Variants in ARHGEF3 observed in about 807,000 individuals in gnomAD.
The protein encoded by ARHGEF3 is Rho guanine nucleotide exchange factor 3, also known as 59.8 kDA protein.
In ARHGEF3, 28 loss-of-function variants were observed where a neutral mutation model predicts 63.2. The ratio of observed to expected loss-of-function variants is 0.44; its 90% CI spans 0.33 to 0.61. The LOEUF (loss-of-function observed/expected upper bound fraction) is 0.61. Ranked by LOEUF, ARHGEF3 falls within the 20% of genes least tolerant of loss-of-function variation. The pLI is 0.03. For synonymous variants in ARHGEF3, 266 were observed against 254.2 expected (o/e 1.05, Z -0.44); for missense variants, 533 against 659.3 (o/e 0.81, Z 2.10).
intron 4 of ARHGEF3, among the ~76,000 whole-genome samples, chr3:56,832,179 T>C (rs572956466): frequency 5.3e-5 from 8 of 152,364 alleles, no homozygotes; most frequent in Non-Finnish European, 8.8e-5. Context: ...CCATTTCAGA[T>C]GTACCCAGGC....
At chr3:57,029,842 C>T (rs772634515) in intron 2 of ARHGEF3, among the ~76,000 whole-genome samples, 120 of 152,214 alleles carry the variant, frequency 7.9e-4, no homozygotes, top group Admixed American at 2.6e-3. Context: ...CGGGCTCTTG[C>T]TCTCCCTTAT....
chr3:57,009,861 C>T (rs1702612271), intron 2 of ARHGEF3, among the ~76,000 whole-genome samples: 1 of 152,130 alleles, frequency 6.6e-6, no homozygotes, highest in South Asian at 2.1e-4. Flanking sequence ...TGAGCAGCAA[C>T]ACAGCATGAC....
At chr3:56,793,006 T>A (rs2037164987) in intron 1 of ARHGEF3, among the ~76,000 whole-genome samples, 1 of 151,896 alleles carries the variant, frequency 6.6e-6, no homozygotes, top group Non-Finnish European at 1.5e-5. Context: ...TTTTTTTTTT[T>A]TATTTTTATT....
At chr3:57,020,476 A>G (rs1266549527) in intron 2 of ARHGEF3, among the ~76,000 whole-genome samples, 2 of 152,278 alleles carry the variant, frequency 1.3e-5, no homozygotes, top group African/African-American at 4.8e-5. Flanking sequence ...ATGGGTTCAG[A>G]TGAGGCTGAC....
intron 3 of ARHGEF3, among the ~76,000 whole-genome samples, chr3:56,928,021 A>G (rs912176831): frequency 2.6e-5 from 4 of 152,202 alleles, no homozygotes; most frequent in African/African-American, 9.6e-5. Context: ...AATCTACCCC[A>G]AGCCAGCACT....
intron 2 of ARHGEF3, among the ~76,000 whole-genome samples, chr3:56,982,429 A>C (rs1384303170): frequency 6.6e-6 from 1 of 152,016 alleles, no homozygotes; most frequent in East Asian, 1.9e-4. Flanking sequence ...TGTGTAATGG[A>C]GCGAAACCCC....
chr3:56,879,467 G>T (rs1287596305), intron 4 of ARHGEF3, among the ~76,000 whole-genome samples: 1 of 152,126 alleles, frequency 6.6e-6, no homozygotes, highest in Non-Finnish European at 1.5e-5. Flanking sequence ...ATTGGGCTGG[G>T]ACTCAATGAA....
intron 6 of ARHGEF3, among the ~76,000 whole-genome samples, chr3:56,749,434 T>C (rs958838698): frequency 3.9e-5 from 6 of 152,250 alleles, no homozygotes; most frequent in African/African-American, 9.6e-5. Context: ...GGAAACCATG[T>C]AGTCCTGTAC....
At chr3:56,745,975 C>T (rs2029466) in intron 6 of ARHGEF3, among the ~76,000 whole-genome samples, 52,204 of 152,082 alleles carry the variant, frequency 0.34, 9,456 homozygotes, top group East Asian at 0.45. Context: ...TACTATGTAA[C>T]GAACAATTTA....
chr3:56,995,620 CGAGAGAGAGAGAGAGA>C (rs66778716), intron 2 of ARHGEF3, among the ~76,000 whole-genome samples: 7,215 of 113,208 alleles, frequency 0.064, 260 homozygotes, highest in South Asian at 0.12. Flanking sequence ...GTAAATTTTC[CGAGAGAGAGAGAGAGA>C]GAGAGAGAGA....
intron 7 of ARHGEF3, among the ~76,000 whole-genome samples, chr3:56,739,629 G>A (rs1436916926): frequency 6.6e-6 from 1 of 151,970 alleles, no homozygotes; most frequent in Admixed American, 6.6e-5. Context: ...CTGACTCCTA[G>A]ACTCAAGCGA....
intron 4 of ARHGEF3, among the ~76,000 whole-genome samples, chr3:56,807,361 T>C (rs2037899680): frequency 6.6e-6 from 1 of 152,260 alleles, no homozygotes; most frequent in Admixed American, 6.5e-5. Context: ...GCTCAAAGAA[T>C]AAGGCCAATT....
At chr3:56,874,703 C>T (rs2040531224) in intron 4 of ARHGEF3, among the ~76,000 whole-genome samples, 1 of 152,138 alleles carries the variant, frequency 6.6e-6, no homozygotes, top group Admixed American at 6.5e-5. Context: ...CCAATAAGAC[C>T]AGCTAAAAGC....
intron 2 of ARHGEF3, among the ~76,000 whole-genome samples, chr3:57,014,103 C>A (rs1212622882): frequency 6.6e-6 from 1 of 152,168 alleles, no homozygotes; most frequent in Admixed American, 6.5e-5. Context: ...GAGGAACGAA[C>A]AACTCCAGAC....
At chr3:57,050,749 G>A (rs969093654) in intron 1 of ARHGEF3, among the ~76,000 whole-genome samples, 11 of 152,218 alleles carry the variant, frequency 7.2e-5, no homozygotes, top group African/African-American at 2.7e-4. Flanking sequence ...GGAGACTCTT[G>A]AAAGCCAGGG....
intron 1 of ARHGEF3, among the ~76,000 whole-genome samples, chr3:56,781,658 CA>C (rs2036574596): frequency 6.6e-6 from 1 of 152,248 alleles, no homozygotes; most frequent in African/African-American, 2.4e-5. Context: ...GAAACTAACA[CA>C]GGTGGTGTCT....
rs375016641 is a variant in ARHGEF3 at position 56,982,330 on chromosome 3, T to C, written c.63-23441A>G. 2.2e-3 allele frequency among the ~76,000 whole-genome samples: 342 copies of C among 152,258 alleles called. 1 individual carries two copies. Among genetic ancestry groups the C allele is most frequent in the African/African-American group, 8.0e-3 (331 of 41,540 alleles). On this transcript the variant is annotated intron_variant, in intron 2 of 12. Transcript: ENST00000338458. ...ACCAAAAGAACTATGCTTTGTTTCT[T>C]TGCAAAAGTTCATTAAAGAAAGCAT... is the stretch of plus-strand genomic sequence containing the variant.
At chr3:56,792,688 G>T (rs2037145952) in intron 1 of ARHGEF3, among the ~76,000 whole-genome samples, 1 of 152,166 alleles carries the variant, frequency 6.6e-6, no homozygotes, top group African/African-American at 2.4e-5. Context: ...GGCTATTATT[G>T]CAAATAATGT....
chr3:56,872,788 G>A (rs902136166), intron 4 of ARHGEF3, among the ~76,000 whole-genome samples: 6 of 152,120 alleles, frequency 3.9e-5, no homozygotes, highest in South Asian at 2.1e-4. Context: ...GATTATAGGC[G>A]TAAGCCACTG....
Sources: gnomAD v4.1 joint callset for allele counts (sites outside exome capture counted in the v4.1 genomes callset) on GRCh38, gnomAD v4.1.1 for gene constraint, MANE v1.5 for transcripts, NCBI Gene and HGNC (gene_info 2026-07-23, HGNC 2026-07-21) for gene names.